The following CPNE4 variants were observed in gnomAD, a reference collection of about 807,000 sequenced individuals.
CPNE4 encodes the protein copine 4.
CPNE4 carries 25 observed loss-of-function variants against 67.9 expected under a neutral mutation model. The ratio of observed to expected loss-of-function variants is 0.37; its 90% CI spans 0.27 to 0.51. CPNE4 has a LOEUF of 0.51. CPNE4 is among the 20% of genes least tolerant of loss of function. The pLI, the probability that CPNE4 is intolerant of heterozygous loss-of-function variation, is 0.93. For missense variants in CPNE4, 464 were observed against 690.8 expected, an observed-to-expected ratio of 0.67 and a Z score of 3.68; for synonymous variants, 242 against 244.9, an observed-to-expected ratio of 0.99 and a Z score of 0.11.
intron 3 of CPNE4, among the ~76,000 whole-genome samples, chr3:131,709,187 A>C: frequency 6.6e-6 from 1 of 151,614 alleles, no homozygotes; most frequent in Non-Finnish European, 1.5e-5. Flanking sequence ...TCTATTTCTA[A>C]ATAGTTTTTG....
intron 7 of CPNE4, among the ~76,000 whole-genome samples, chr3:131,648,656 G>C (rs987637030): frequency 6.6e-6 from 1 of 152,126 alleles, no homozygotes; most frequent in South Asian, 2.1e-4. Context: ...AATTGACATG[G>C]TTCTGAAAAT....
At chr3:131,878,986 G>A (rs1312621137) in intron 2 of CPNE4, among the ~76,000 whole-genome samples, 3 of 152,206 alleles carry the variant, frequency 2.0e-5, no homozygotes, top group Admixed American at 2.0e-4. Context: ...AAATTGATTT[G>A]TTTAGTTTGG....
At chr3:131,773,635 A>G (rs2083224347) in intron 2 of CPNE4, among the ~76,000 whole-genome samples, 4 of 151,918 alleles carry the variant, frequency 2.6e-5, no homozygotes. Context: ...AGCGTGAGCC[A>G]CTGCTCCTGG....
intron 7 of CPNE4, among the ~76,000 whole-genome samples, chr3:131,648,688 T>C (rs1244052525): frequency 1.3e-5 from 2 of 152,264 alleles, no homozygotes; most frequent in Non-Finnish European, 2.9e-5. Context: ...TTCTTGATTA[T>C]AAATTTTTTC....
intron 2 of CPNE4, among the ~76,000 whole-genome samples, chr3:131,727,422 G>A (rs567619017): frequency 1.2e-4 from 18 of 151,764 alleles, no homozygotes; most frequent in South Asian, 4.2e-4. Context: ...GTGAAACCCC[G>A]CCACTGCACT....
At chr3:131,882,499 G>C (rs2087716591) in intron 2 of CPNE4, among the ~76,000 whole-genome samples, 1 of 152,028 alleles carries the variant, frequency 6.6e-6, no homozygotes, top group African/African-American at 2.4e-5. Context: ...ATAGGCAGTT[G>C]GGTAATTTGT....
intron 2 of CPNE4, among the ~76,000 whole-genome samples, chr3:131,869,316 C>T (rs1365062586): frequency 2.0e-5 from 3 of 152,042 alleles, no homozygotes; most frequent in African/African-American, 7.2e-5. Flanking sequence ...CTCTGACAGC[C>T]CTTAGCAGCT....
In CPNE4 at chr3:131,925,854, A is replaced by C. The variant is rs1004989999; in HGVS notation, c.-1-20410T>G. 2.0e-5 allele frequency among the ~76,000 whole-genome samples: 3 copies of C among 152,180 alleles called. No individual in the cohort carries two copies. The East Asian group carries it at 5.8e-4, about 29-fold the overall frequency. On this transcript the variant is annotated intron_variant, in intron 1 of 15. Coordinates refer to ENST00000429747, the MANE Select transcript of CPNE4 (RefSeq NM_130808.3). The stretch of plus-strand genomic sequence containing the variant: ...AACATAGGCATTCTGACTTTTGGTG[A>C]CTAGTCACCATATTATCCTGCATTT...
chr3:131,978,185 A>G (rs1388380799), intron 1 of CPNE4, among the ~76,000 whole-genome samples: 1 of 59,738 alleles, frequency 1.7e-5, no homozygotes, highest in South Asian at 4.2e-4. Flanking sequence ...AAATATATAT[A>G]ATATATTTAT....
At chr3:131,990,082 C>A (rs1297481282) in intron 1 of CPNE4, among the ~76,000 whole-genome samples, 2 of 136,478 alleles carry the variant, frequency 1.5e-5, no homozygotes, top group African/African-American at 4.9e-5. Context: ...CATTGTTTCA[C>A]TGGTAACTTT....
intron 3 of CPNE4, among the ~76,000 whole-genome samples, chr3:131,718,459 A>G (rs751380055): frequency 6.6e-6 from 1 of 152,138 alleles, no homozygotes; most frequent in Non-Finnish European, 1.5e-5. Context: ...TTGACCGCTC[A>G]CCCACGCTAA....
intron 2 of CPNE4, among the ~76,000 whole-genome samples, chr3:131,840,218 T>C (rs957866019): frequency 2.0e-5 from 3 of 152,226 alleles, no homozygotes; most frequent in African/African-American, 7.2e-5. Flanking sequence ...TCTCAATTAG[T>C]TTCCAATTTT....
rs538892904 is a variant in CPNE4 at position 131,755,395 on chromosome 3, A to G, written c.181-31770T>C. 4.5e-4 allele frequency among the ~76,000 whole-genome samples: 69 copies of G among 152,280 alleles called. 1 individual carries two copies. The South Asian group carries it at 0.012, about 26-fold the overall frequency. On this transcript the variant is annotated intron_variant, in intron 2 of 15. Transcript: ENST00000429747. ...CCATACGGACCTGTGACAGATGACTATTGCTGAACTACAATAAACTCCTTC... is the reference window on the plus strand; with the variant it reads ...CCATACGGACCTGTGACAGATGACTGTTGCTGAACTACAATAAACTCCTTC...
In CPNE4 at chr3:131,969,142, T is replaced by C. The variant is rs527367057; in HGVS notation, c.-1-63698A>G. On this transcript the variant is annotated intron_variant, in intron 1 of 15. Transcript: ENST00000429747. ...AACACTGCATGTTCTCACTCATAAG[T>C]GGGAGTTGAACAATGAGAACACATG... is the stretch of plus-strand genomic sequence containing the variant. 5.9e-5 allele frequency among the ~76,000 whole-genome samples: 9 copies of C among 151,920 alleles called. No individual in the cohort carries two copies. In the East Asian group the frequency reaches 7.8e-4, roughly 13 times the overall value.
At chr3:131,760,417 T>A (rs1233374753) in intron 2 of CPNE4, among the ~76,000 whole-genome samples, 1 of 152,178 alleles carries the variant, frequency 6.6e-6, no homozygotes, top group Non-Finnish European at 1.5e-5. Context: ...GATTTGGTAT[T>A]TGAATCTGAC....
At chr3:131,837,612 T>C (rs919089717) in intron 2 of CPNE4, among the ~76,000 whole-genome samples, 1 of 151,120 alleles carries the variant, frequency 6.6e-6, no homozygotes, top group Non-Finnish European at 1.5e-5. Context: ...TATATCCTGA[T>C]AGTGGTGATG....
At chr3:131,746,816 G>C (rs1321348618) in intron 2 of CPNE4, among the ~76,000 whole-genome samples, 1 of 152,018 alleles carries the variant, frequency 6.6e-6, no homozygotes, top group Non-Finnish European at 1.5e-5. Flanking sequence ...TTATATTGTA[G>C]TTCTATTTTT....
At chr3:131,654,199 C>T (rs912507029) in intron 7 of CPNE4, among the ~76,000 whole-genome samples, 5 of 152,038 alleles carry the variant, frequency 3.3e-5, no homozygotes, top group African/African-American at 1.2e-4. Flanking sequence ...GGTATTTATA[C>T]ATTTATTTTT....
intron 7 of CPNE4, among the ~76,000 whole-genome samples, chr3:131,655,660 G>GC (rs2079939021): frequency 6.6e-6 from 1 of 152,100 alleles, no homozygotes; most frequent in Non-Finnish European, 1.5e-5. Context: ...CGGGGGGCAG[G>GC]GGGGTGGAGA....
Sources: allele counts gnomAD v4.1 joint callset (sites outside exome capture counted in the v4.1 genomes callset), GRCh38; gene constraint gnomAD v4.1.1; transcripts MANE v1.5; gene names NCBI Gene and HGNC (gene_info 2026-07-23, HGNC 2026-07-21).